The following CDK14 variants were observed in gnomAD, a reference collection of about 807,000 sequenced individuals.
CDK14 encodes cyclin-dependent kinase 14.
In CDK14, 34 loss-of-function variants were observed where a neutral mutation model predicts 60.7. That is an observed-to-expected ratio of 0.56 (90% CI 0.43 to 0.75). The LOEUF is 0.75. CDK14 is among the 30% of genes least tolerant of loss of function. The pLI is 0.00. For synonymous variants in CDK14, 197 were observed against 203.7 expected (o/e 0.97, Z 0.28); for missense variants, 482 against 564.1 (o/e 0.85, Z 1.47).
At chr7:90,610,694 G>C (rs529299384) in intron 2 of CDK14, among the ~76,000 whole-genome samples, 1 of 152,196 alleles carries the variant, frequency 6.6e-6, no homozygotes, top group Admixed American at 6.5e-5. Flanking sequence ...TTCTCCCTGT[G>C]TCTTTTTACA....
At chr7:91,084,731 AC>A (rs1464537441) in intron 12 of CDK14, among the ~76,000 whole-genome samples, 1 of 152,190 alleles carries the variant, frequency 6.6e-6, no homozygotes, top group Admixed American at 6.5e-5. Context: ...GACAGAAAAT[AC>A]CCATCTTCTC....
At position 91,189,659 on chromosome 7, in the gene CDK14, C is replaced by T. The variant is rs78576076; in HGVS notation, c.*29-17506C>T. Among the ~76,000 whole-genome samples, 1,042 of 152,142 alleles carry T rather than the reference C, an allele frequency of 6.8e-3. 9 individuals carry two copies. The highest frequency in any genetic ancestry group is 9.0e-3 in the Non-Finnish European group (611 of 67,998). On this transcript the variant is annotated intron_variant, in intron 14 of 14. Transcript: ENST00000380050. ...TTCCTATTGCTAGAAGAAATAAACA[C>T]AAAAGTAGAATGCTGTAAAGAGTGT... is the stretch of plus-strand genomic sequence containing the variant.
chr7:90,828,425 A>G (rs1789798131), intron 5 of CDK14, among the ~76,000 whole-genome samples: 1 of 152,206 alleles, frequency 6.6e-6, no homozygotes, highest in African/African-American at 2.4e-5. Flanking sequence ...TAATTATTTT[A>G]TTTCATTTGA....
chr7:91,160,680 TTC>T (rs1299752826), intron 14 of CDK14, among the ~76,000 whole-genome samples: 1 of 152,138 alleles, frequency 6.6e-6, no homozygotes, highest in Non-Finnish European at 1.5e-5. Flanking sequence ...AAGATTTTCT[TTC>T]TCTGTTTCAA....
intron 5 of CDK14, among the ~76,000 whole-genome samples, chr7:90,820,205 T>A (rs898095120): frequency 6.6e-6 from 1 of 152,206 alleles, no homozygotes; most frequent in East Asian, 1.9e-4. Context: ...TTGCTAAATA[T>A]GGCATCTTGA....
chr7:90,883,023 A>C (rs1791813756), intron 6 of CDK14, among the ~76,000 whole-genome samples: 2 of 152,094 alleles, frequency 1.3e-5, no homozygotes, highest in African/African-American at 4.8e-5. Flanking sequence ...TAACATCACA[A>C]TTAAAAGAGC....
intron 2 of CDK14, among the ~76,000 whole-genome samples, chr7:90,655,193 C>T (rs898104634): frequency 6.6e-6 from 1 of 152,134 alleles, no homozygotes; most frequent in Non-Finnish European, 1.5e-5. Flanking sequence ...AGTGGTATTC[C>T]ATTGTATGGA....
chr7:90,683,127 C>T (rs564809596), intron 2 of CDK14, among the ~76,000 whole-genome samples: 2 of 152,242 alleles, frequency 1.3e-5, no homozygotes, highest in African/African-American at 4.8e-5. Context: ...TAGCATTCAT[C>T]GATTTGTCTT....
chr7:90,630,368 T>G (rs1176582433), intron 2 of CDK14, among the ~76,000 whole-genome samples: 1 of 152,184 alleles, frequency 6.6e-6, no homozygotes, highest in African/African-American at 2.4e-5. Flanking sequence ...CTGTAGGTAG[T>G]TGTAACACAA....
chr7:91,088,163 T>G (rs1798693117), intron 12 of CDK14, among the ~76,000 whole-genome samples: 1 of 152,138 alleles, frequency 6.6e-6, no homozygotes, highest in Admixed American at 6.6e-5. Flanking sequence ...GTTTACAGCA[T>G]TTAAAGGGGG....
intron 6 of CDK14, among the ~76,000 whole-genome samples, chr7:90,882,333 A>T (rs1791787845): frequency 6.6e-6 from 1 of 151,924 alleles, no homozygotes; most frequent in South Asian, 2.1e-4. Context: ...AACAAAGATT[A>T]AAAAAGACAA....
At chr7:90,756,160 C>G (rs977901142) in intron 4 of CDK14, among the ~76,000 whole-genome samples, 3 of 152,176 alleles carry the variant, frequency 2.0e-5, no homozygotes, top group African/African-American at 7.2e-5. Flanking sequence ...AGATGTGATC[C>G]TCTCTGAATA....
chr7:91,093,998 G>A (rs2116285276), intron 12 of CDK14, among the ~76,000 whole-genome samples: 1 of 152,156 alleles, frequency 6.6e-6, no homozygotes, highest in African/African-American at 2.4e-5. Context: ...CACAAAGATG[G>A]CAGCAATAGA....
In CDK14 at chr7:90,639,192, A is replaced by G. The variant is rs557996489; in HGVS notation, c.123+34943A>G. 2.6e-5 allele frequency among the ~76,000 whole-genome samples: 4 copies of G among 152,188 alleles called. No homozygotes were observed. The East Asian group carries it at 7.7e-4, about 29-fold the overall frequency. ...CTGGTGAGGAACTGCGTTCCTTTGG[A>G]GGAGGAGAGGTGCTCTGCTTAGAGT... On this transcript the variant is annotated intron_variant, in intron 2 of 14. Transcript: ENST00000380050.
chr7:91,026,660 C>T (rs1796577961), intron 10 of CDK14, among the ~76,000 whole-genome samples: 1 of 152,180 alleles, frequency 6.6e-6, no homozygotes, highest in Non-Finnish European at 1.5e-5. Flanking sequence ...CCTCCCTCAC[C>T]AGTCACCATT....
intron 11 of CDK14, among the ~76,000 whole-genome samples, chr7:91,047,236 C>A (rs1271099337): frequency 6.6e-6 from 1 of 152,014 alleles, no homozygotes; most frequent in African/African-American, 2.4e-5. Context: ...ATGTCCTAGG[C>A]AAATGAAACA....
intron 6 of CDK14, among the ~76,000 whole-genome samples, chr7:90,895,670 C>T (rs990392787): frequency 2.0e-4 from 29 of 146,892 alleles, no homozygotes; most frequent in African/African-American, 6.9e-4. Context: ...AAGCAATTCT[C>T]CTGCCTCAGC....
intron 5 of CDK14, among the ~76,000 whole-genome samples, chr7:90,799,926 A>G (rs182058537): frequency 5.8e-4 from 88 of 152,276 alleles, no homozygotes; most frequent in African/African-American, 1.9e-3. Context: ...ACATTTTTCA[A>G]TAAAGAAAGG....
At position 91,139,923 on chromosome 7, in the gene CDK14, TAC is replaced by T. The variant is rs1245076597; in HGVS notation, c.*28+21717_*28+21718del. Among the ~76,000 whole-genome samples the T allele has an allele frequency of 4.6e-5, 7 of 152,088 alleles. No individual in the cohort carries two copies. In the East Asian group the frequency reaches 1.2e-3, roughly 25 times the overall value. On this transcript the variant is annotated intron_variant, in intron 14 of 14. Transcript: ENST00000380050. The stretch of plus-strand genomic sequence containing the variant: ...TTCATTTCTTTCTTTCAAGACGAAG[TAC>T]AGTTTCCCTACTTAATCCCATTGAA...
Sources: gnomAD v4.1 joint callset for allele counts (sites outside exome capture counted in the v4.1 genomes callset) on GRCh38, gnomAD v4.1.1 for gene constraint, MANE v1.5 for transcripts, NCBI Gene and HGNC (gene_info 2026-07-23, HGNC 2026-07-21) for gene names.